The following RAB27B variants were observed in gnomAD, a reference collection of about 807,000 sequenced individuals.
The protein encoded by RAB27B is RAB27B, member RAS oncogene family.
Under a neutral mutation model 24.6 loss-of-function variants are expected in RAB27B, and 15 were observed. The ratio of observed to expected loss-of-function variants is 0.61; its 90% confidence interval spans 0.41 to 0.94. The LOEUF (loss-of-function observed/expected upper bound fraction) is 0.94. RAB27B is among the 40% of genes least tolerant of loss of function. The pLI, the probability that RAB27B is intolerant of heterozygous loss-of-function variation, is 0.00. For missense variants in RAB27B, 261 were observed against 266.8 expected, an observed-to-expected ratio of 0.98 and a Z score of 0.15; for synonymous variants, 105 against 92.5, an observed-to-expected ratio of 1.14 and a Z score of -0.78.
At chr18:54,810,799 C>T (rs563669969) in intron 2 of RAB27B, among the ~76,000 whole-genome samples, 1 of 151,564 alleles carries the variant, frequency 6.6e-6, no homozygotes, top group Admixed American at 6.6e-5. Flanking sequence ...TGCCACTGCA[C>T]TCCAGCCTGG....
At chr18:54,738,550 C>CA (rs1308243347) in intron 2 of RAB27B, among the ~76,000 whole-genome samples, 1 of 152,132 alleles carries the variant, frequency 6.6e-6, no homozygotes, top group Non-Finnish European at 1.5e-5. Flanking sequence ...GATGCTTCCC[C>CA]ACCCATGCAG....
At position 54,891,761 on chromosome 18, in the gene RAB27B, A is replaced by T. The variant is rs187333825; in HGVS notation, c.*2348A>T. On this transcript the variant is annotated 3_prime_UTR_variant, in exon 6 of 6. Transcript: ENST00000262094. ...GTGTTTTTTCAGGGTCTGTTTTAAG[A>T]TCATTATTTGATAGCTGTAGCATGA... is the stretch of plus-strand genomic sequence containing the variant. 1.2e-3 allele frequency: 176 copies of T among 152,142 alleles called. 1 individual carries two copies. The highest frequency in any genetic ancestry group is 3.9e-3 in the African/African-American group (161 of 41,518). The allele number at this position is 152,142 out of a possible 1,614,324, so 9.4% of individuals were successfully genotyped here. A position where few individuals can be genotyped will look rare whatever the true frequency, so the allele number is the denominator to read the frequency against.
chr18:54,813,071 G>A (rs151267185), intron 2 of RAB27B, among the ~76,000 whole-genome samples: 113 of 152,220 alleles, frequency 7.4e-4, no homozygotes, highest in Non-Finnish European at 1.2e-3. Flanking sequence ...TGCTGCTTTC[G>A]GTTGTGGCTT....
chr18:54,796,825 A>G (rs1909436805), intron 2 of RAB27B, among the ~76,000 whole-genome samples: 1 of 152,196 alleles, frequency 6.6e-6, no homozygotes, highest in African/African-American at 2.4e-5. Flanking sequence ...GTGGACCCCT[A>G]GACTGGGACC....
intron 1 of RAB27B, among the ~76,000 whole-genome samples, chr18:54,864,476 A>T (rs745890408): frequency 6.6e-6 from 1 of 150,704 alleles, no homozygotes; most frequent in African/African-American, 2.4e-5. Context: ...CATGGTGTCT[A>T]TTGAAGCACA....
chr18:54,731,516 T>G (rs1909732163), intron 2 of RAB27B, among the ~76,000 whole-genome samples: 1 of 151,398 alleles, frequency 6.6e-6, no homozygotes, highest in Non-Finnish European at 1.5e-5. Flanking sequence ...AGGTTGGGAG[T>G]TGGAGACCAG....
chr18:54,825,014 C>T (rs1910427525), upstream of RAB27B, among the ~76,000 whole-genome samples: 1 of 152,104 alleles, frequency 6.6e-6, no homozygotes, highest in South Asian at 2.1e-4. Context: ...TAAAATGGCA[C>T]ACAGGATGTA....
chr18:54,867,595 T>TGCC (rs1912292914), intron 1 of RAB27B, among the ~76,000 whole-genome samples: 1 of 151,798 alleles, frequency 6.6e-6, no homozygotes, highest in African/African-American at 2.4e-5. Flanking sequence ...TACAGGCGCG[T>TGCC]GCCACCAGAC....
intron 2 of RAB27B, among the ~76,000 whole-genome samples, chr18:54,807,149 T>C (rs1312606978): frequency 1.3e-5 from 2 of 152,246 alleles, no homozygotes; most frequent in Non-Finnish European, 2.9e-5. Flanking sequence ...TCTGCCGGCG[T>C]TGGCCTCCCA....
chr18:54,890,882 AT>A lies in RAB27B; in HGVS notation c.*1471del, dbSNP rs769777874. 29 of 152,064 alleles carry A rather than the reference AT, an allele frequency of 1.9e-4. No homozygotes were observed. Among genetic ancestry groups the A allele is most frequent in the Admixed American group, 6.6e-4 (10 of 15,234 alleles). The allele number at this position is 152,064 out of a possible 1,614,324, so 9.4% of individuals were successfully genotyped here. On this transcript the variant is annotated 3_prime_UTR_variant, in exon 6 of 6. Transcript: ENST00000262094. ...ATTCTGTTCTTGTGTCTAAACTAACATTACATTAATTTTTAATCTTAGTTTC... is the reference window on the plus strand; with the variant it reads ...ATTCTGTTCTTGTGTCTAAACTAACATACATTAATTTTTAATCTTAGTTTC...
exon 2 of RAB27B, chr18:54,718,104 A>T (rs1266553147): frequency 4.6e-5 from 7 of 152,216 alleles, no homozygotes; most frequent in Non-Finnish European, 8.8e-5. Context: ...AATGGGCTAG[A>T]TATTTCCAGA....
intron 1 of RAB27B, among the ~76,000 whole-genome samples, chr18:54,857,922 A>G (rs935359721): frequency 6.6e-6 from 1 of 152,252 alleles, no homozygotes; most frequent in African/African-American, 2.4e-5. Context: ...AGGATATTCA[A>G]CAAGAGCATC....
At chr18:54,866,556 C>T (rs1221098146) in intron 1 of RAB27B, among the ~76,000 whole-genome samples, 1 of 152,232 alleles carries the variant, frequency 6.6e-6, no homozygotes, top group East Asian at 1.9e-4. Flanking sequence ...CTTCGGCCTC[C>T]CAAAGTACTG....
chr18:54,867,442 CTTTTTTT>C (rs548288719), intron 1 of RAB27B, among the ~76,000 whole-genome samples: 2 of 98,794 alleles, frequency 2.0e-5, no homozygotes, highest in African/African-American at 7.2e-5. Context: ...CTTTTCTTTT[CTTTTTTT>C]TTTTTTTTTT....
rs1913507955 is a variant in RAB27B at position 54,894,857 on chromosome 18, A to G, written c.*5444A>G. 1 of 152,150 alleles carries G rather than the reference A, an allele frequency of 6.6e-6. No individual in the cohort carries two copies. The highest frequency in any genetic ancestry group is 1.5e-5 in the Non-Finnish European group (1 of 67,986). The allele number at this position is 152,150 out of a possible 1,614,324, so 9.4% of individuals were successfully genotyped here. On this transcript the variant is annotated 3_prime_UTR_variant, in exon 6 of 6. Transcript: ENST00000262094. ...GGTATCATAGCAGGGAAAACACACT[A>G]ATTTTCATACAGTAGAGGTATTGAA...
chr18:54,875,907 T>C (rs1486335780), intron 1 of RAB27B, among the ~76,000 whole-genome samples: 2 of 152,148 alleles, frequency 1.3e-5, no homozygotes, highest in East Asian at 3.8e-4. Flanking sequence ...CATGTACCAA[T>C]TTTTTTACAC....
At chr18:54,772,298 CCT>C (rs1229552975) in intron 2 of RAB27B, among the ~76,000 whole-genome samples, 2 of 152,154 alleles carry the variant, frequency 1.3e-5, no homozygotes, top group Non-Finnish European at 2.9e-5. Flanking sequence ...TGGACCATTT[CCT>C]CTCTGTGCTT....
At chr18:54,745,696 T>C (rs1452933264) in intron 2 of RAB27B, 3 of 150,760 alleles carry the variant, frequency 2.0e-5, no homozygotes, top group Non-Finnish European at 3.0e-5. Flanking sequence ...TTTAAAAGAG[T>C]CATTAGAAGC....
rs1913361194 is a variant in RAB27B, at chr18:54,891,314, C to T, written c.*1901C>T. ...TGTTAGCCCCTGATGAAATTCTCAG[C>T]ATTAACTGGCCAGCTCCTCTGATTT... On this transcript the variant is annotated 3_prime_UTR_variant, in exon 6 of 6. Transcript: ENST00000262094. The T allele has an allele frequency of 6.6e-6, 1 of 151,130 alleles. No homozygotes were observed. Among genetic ancestry groups the T allele is most frequent in the African/African-American group, 2.5e-5 (1 of 40,468 alleles). 9.4% of individuals were successfully genotyped at this position (151,130 alleles called of 1,614,324 possible). A position where few individuals can be genotyped will look rare whatever the true frequency, so the allele number is the denominator to read the frequency against.
Sources: gnomAD v4.1 joint callset for allele counts (sites outside exome capture counted in the v4.1 genomes callset) on GRCh38, gnomAD v4.1.1 for gene constraint, MANE v1.5 for transcripts, NCBI Gene and HGNC (gene_info 2026-07-23, HGNC 2026-07-21) for gene names.